AATF: variants seen among roughly 807,000 people sequenced by gnomAD.
The protein encoded by AATF is apoptosis antagonizing transcription factor.
In AATF, 48 loss-of-function variants were observed where a neutral mutation model predicts 63.7. The observed-to-expected ratio is 0.75, with a 90% CI of 0.60 to 0.96. AATF has a LOEUF of 0.96. Among genes scored for constraint, AATF ranks in the 40% least tolerant of loss-of-function variants. AATF has a pLI of 0.00. For missense variants in AATF, 639 were observed against 685.7 expected (o/e 0.93, Z 0.76); for synonymous variants, 258 against 247.7 (o/e 1.04, Z -0.39).
At chr17:36,974,612 G>C (rs1385467743) in intron 4 of AATF, among the ~76,000 whole-genome samples, 1 of 152,148 alleles carries the variant, frequency 6.6e-6, no homozygotes. Context: ...TTTTATATGA[G>C]TGTCAGTTTT....
chr17:36,991,743 G>A (rs1203774051), intron 8 of AATF, among the ~76,000 whole-genome samples: 1 of 151,978 alleles, frequency 6.6e-6, no homozygotes, highest in Non-Finnish European at 1.5e-5. Context: ...CCGCCACCAG[G>A]CCTGGCTAAT....
chr17:37,009,841 A>AAAAG (rs2071374537), intron 8 of AATF, among the ~76,000 whole-genome samples: 2 of 150,828 alleles, frequency 1.3e-5, no homozygotes, highest in African/African-American at 4.9e-5. Context: ...AAAAAAAAAA[A>AAAAG]AAAAAAAAAC....
At chr17:36,954,100 CTCTGTTGCTGAGTCTCAA>C (rs1217229859) in intron 4 of AATF, among the ~76,000 whole-genome samples, 193 bp downstream of exon 4, 2 of 145,750 alleles carry the variant, frequency 1.4e-5, no homozygotes, top group African/African-American at 5.1e-5. Flanking sequence ...CAGAGTCTCG[CTCTGTTGCTGAGTCTCAA>C]GTACAGTGGC....
chr17:37,040,097 T>G (rs1158766835), intron 11 of AATF, among the ~76,000 whole-genome samples: 1 of 152,236 alleles, frequency 6.6e-6, no homozygotes, highest in Non-Finnish European at 1.5e-5. Context: ...TTTTTTAATT[T>G]TTATTATTAT....
chr17:37,024,759 G>A (rs2071498492), intron 10 of AATF, among the ~76,000 whole-genome samples: 1 of 152,132 alleles, frequency 6.6e-6, no homozygotes, highest in African/African-American at 2.4e-5. Flanking sequence ...AGAAGTTTGA[G>A]ACAAGCCTGG....
chr17:37,046,025 A>G (rs747955858), intron 11 of AATF: 27 of 152,192 alleles, frequency 1.8e-4, no homozygotes, highest in Non-Finnish European at 2.5e-4. Context: ...TTTTTAATCA[A>G]TTAATAGGCA....
At chr17:37,027,592 T>C (rs1358178502) in intron 10 of AATF, among the ~76,000 whole-genome samples, 1 of 152,186 alleles carries the variant, frequency 6.6e-6, no homozygotes, top group African/African-American at 2.4e-5. Flanking sequence ...AGTAGCGACA[T>C]TGAAAAAGTA....
chr17:37,015,882 T>C (rs544719590), intron 8 of AATF, among the ~76,000 whole-genome samples: 2 of 152,286 alleles, frequency 1.3e-5, no homozygotes, highest in East Asian at 1.9e-4. Context: ...TATCCTCTAT[T>C]CTGGAGCTTC....
chr17:37,037,854 A>G (rs1415346824), intron 11 of AATF, among the ~76,000 whole-genome samples: 1 of 152,180 alleles, frequency 6.6e-6, no homozygotes, highest in African/African-American at 2.4e-5. Context: ...TGCTGTCCTC[A>G]TAACAGTGAG....
chr17:36,991,493 T>C (rs1380174201), intron 8 of AATF, among the ~76,000 whole-genome samples: 1 of 152,188 alleles, frequency 6.6e-6, no homozygotes, highest in African/African-American at 2.4e-5. Context: ...TTCTTTTTAA[T>C]GATGCCAGAG....
In AATF at chr17:36,960,023, T is replaced by C. The variant is rs372800691; in HGVS notation, c.832+6116T>C. 3.9e-3 allele frequency among the ~76,000 whole-genome samples: 585 copies of C among 150,402 alleles called. 6 individuals carry two copies. Among genetic ancestry groups the C allele is most frequent in the African/African-American group, 0.012 (499 of 40,788 alleles). On this transcript the variant is annotated intron_variant, in intron 4 of 11. Coordinates refer to ENST00000619387, the MANE Select transcript of AATF (RefSeq NM_012138.4). Reference sequence around the variant, plus strand: ...TGACTTGACTAGACTAAAATTTTTTTCCCCCCCCGAGATGGAGTCTTGCTC... The same window carrying C: ...TGACTTGACTAGACTAAAATTTTTTCCCCCCCCCGAGATGGAGTCTTGCTC...
intron 11 of AATF, among the ~76,000 whole-genome samples, chr17:37,036,547 C>G (rs1330175996): frequency 6.6e-6 from 1 of 152,040 alleles, no homozygotes; most frequent in Non-Finnish European, 1.5e-5. Context: ...TTAATTTCTG[C>G]TGATACAAAT....
At chr17:37,013,719 A>T (rs1013377360) in intron 8 of AATF, among the ~76,000 whole-genome samples, 2 of 152,186 alleles carry the variant, frequency 1.3e-5, no homozygotes, top group African/African-American at 4.8e-5. Context: ...TGAGGTTTGG[A>T]GGGGACAAAC....
intron 4 of AATF, chr17:36,980,428 C>G (rs1464799131): frequency 6.6e-6 from 1 of 152,144 alleles, no homozygotes; most frequent in African/African-American, 2.4e-5. Flanking sequence ...TGACAGTATC[C>G]GTTTGTTTTG....
At chr17:36,957,531 A>C (rs1229154236) in intron 4 of AATF, among the ~76,000 whole-genome samples, 3 of 152,246 alleles carry the variant, frequency 2.0e-5, no homozygotes, top group Non-Finnish European at 4.4e-5. Flanking sequence ...ACTAATACTT[A>C]CAATGCAGTG....
chr17:37,009,394 T>A (rs992977121), intron 8 of AATF, among the ~76,000 whole-genome samples: 2 of 150,940 alleles, frequency 1.3e-5, no homozygotes, highest in African/African-American at 4.9e-5. Context: ...ATCCACCCAC[T>A]TCGGCCTTCC....
chr17:36,995,420 T>G (rs1298494025), intron 8 of AATF, among the ~76,000 whole-genome samples: 1 of 152,180 alleles, frequency 6.6e-6, no homozygotes, highest in African/African-American at 2.4e-5. Context: ...TTAATTAAAT[T>G]GGTGAGCGAT....
intron 7 of AATF, among the ~76,000 whole-genome samples, chr17:36,989,884 TAAAATG>T (rs1442466401): frequency 6.6e-6 from 1 of 152,148 alleles, no homozygotes; most frequent in Non-Finnish European, 1.5e-5. Flanking sequence ...TATAGCAACT[TAAAATG>T]AAAAGCAAAA....
rs752886659 is a variant in AATF, at chr17:36,988,534, T to G, written c.963T>G (p.Ser321Arg). The G allele has an allele frequency of 8.1e-6, 13 of 1,613,922 alleles. No individual in the cohort carries two copies. Among genetic ancestry groups the G allele is most frequent in the Non-Finnish European group, 9.3e-6 (11 of 1,179,972 alleles). Residue 321 changes from serine to arginine, a missense_variant, in exon 6 of 12, where the codon AGT becomes AGG. Coordinates refer to ENST00000619387, the MANE Select transcript of AATF (RefSeq NM_012138.4). The stretch of plus-strand genomic sequence containing the variant: ...GCTTTTCTAGTGAGGAGATTTCTAG[T>G]GAAGATGATGAGCTGGTAGAAGAGA... ...KPNAGSEEIS[S>R]EDDELVEEKK...
Sources: allele counts gnomAD v4.1 joint callset (sites outside exome capture counted in the v4.1 genomes callset), GRCh38; gene constraint gnomAD v4.1.1; transcripts MANE v1.5; gene names NCBI Gene and HGNC (gene_info 2026-07-23, HGNC 2026-07-21).